Variants in NRG1 observed in about 807,000 individuals in gnomAD.
NRG1 encodes the protein neuregulin 1, also known as pro-neuregulin-1, membrane-bound isoform.
A neutral mutation model predicts 63.8 loss-of-function variants in NRG1; 18 were observed. The ratio of observed to expected loss-of-function variants is 0.28; its 90% confidence interval spans 0.19 to 0.42. The LOEUF (loss-of-function observed/expected upper bound fraction) is 0.42. Among genes scored for constraint, NRG1 ranks in the 10% least tolerant of loss-of-function variants. The probability of loss-of-function intolerance (pLI) is 1.00; values close to 1 mark genes in which losing one functional copy is unlikely to be tolerated. For missense variants in NRG1, 762 were observed against 814.7 expected (o/e 0.94, Z 0.79); for synonymous variants, 302 against 301.3 (o/e 1.00, Z -0.02).
intron 7 of NRG1, among the ~76,000 whole-genome samples, chr8:32,750,571 C>T (rs968742677): frequency 3.9e-5 from 6 of 152,130 alleles, no homozygotes; most frequent in Non-Finnish European, 8.8e-5. Flanking sequence ...GCAGCAGGGG[C>T]ATCCTACAGC....
chr8:32,669,330 A>G (rs1425224708), intron 5 of NRG1, among the ~76,000 whole-genome samples: 2 of 152,198 alleles, frequency 1.3e-5, no homozygotes, highest in Admixed American at 6.5e-5. Flanking sequence ...ATCTTTGGCA[A>G]ACATTTAGGG....
At chr8:31,886,027 A>T (rs768754791) in intron 1 of NRG1, among the ~76,000 whole-genome samples, 12 of 152,100 alleles carry the variant, frequency 7.9e-5, no homozygotes, top group Non-Finnish European at 1.6e-4. Context: ...AGTAAATATG[A>T]TTTTTTCTCA....
At chr8:32,663,755 G>A (rs956261716) in intron 5 of NRG1, among the ~76,000 whole-genome samples, 13 of 152,056 alleles carry the variant, frequency 8.5e-5, no homozygotes, top group African/African-American at 3.1e-4. Flanking sequence ...CTCTAGACAG[G>A]GTGAAGGCTC....
chr8:32,587,015 C>T (rs1563712212), intron 1 of NRG1, among the ~76,000 whole-genome samples: 1 of 152,034 alleles, frequency 6.6e-6, no homozygotes, highest in Non-Finnish European at 1.5e-5. Context: ...TGTTTGAGAC[C>T]AGCCTGGGCA....
intron 1 of NRG1, among the ~76,000 whole-genome samples, chr8:32,428,342 C>CTTTTTTTTTTTTTTTTTTT (rs11415830): frequency 6.8e-6 from 1 of 146,972 alleles, no homozygotes; most frequent in Non-Finnish European, 1.5e-5. Flanking sequence ...TGAGTGAATT[C>CTTTTTTTTTTTTTTTTTTT]TTTTTTTTTT....
intron 1 of NRG1, among the ~76,000 whole-genome samples, chr8:32,011,911 G>A (rs1814823684): frequency 6.6e-6 from 1 of 152,108 alleles, no homozygotes; most frequent in Non-Finnish European, 1.5e-5. Flanking sequence ...GACAGTCAGT[G>A]GCAGCTAGAA....
At chr8:31,684,698 A>T (rs1373422091) in intron 1 of NRG1, among the ~76,000 whole-genome samples, 1 of 152,132 alleles carries the variant, frequency 6.6e-6, no homozygotes, top group Admixed American at 6.6e-5. Flanking sequence ...CGTGTGATGT[A>T]TATATTACTG....
At chr8:31,979,367 A>G (rs146755807) in intron 1 of NRG1, among the ~76,000 whole-genome samples, 2 of 152,200 alleles carry the variant, frequency 1.3e-5, no homozygotes, top group East Asian at 3.9e-4. Context: ...TTTCTTCCCC[A>G]AATATGCATT....
intron 1 of NRG1, among the ~76,000 whole-genome samples, chr8:32,463,918 G>T (rs12542900): frequency 0.97 from 66,319 of 68,674 alleles, 31,988 homozygotes; most frequent in Middle Eastern, 0.99. Context: ...TTTTTTGGGG[G>T]AGGGTCTCAT....
chr8:32,059,437 A>G (rs1047563966), intron 1 of NRG1, among the ~76,000 whole-genome samples: 1 of 151,926 alleles, frequency 6.6e-6, no homozygotes, highest in Admixed American at 6.6e-5. Flanking sequence ...GTAGCTTCCT[A>G]TTTTTTGAAT....
chr8:32,257,540 A>G (rs1256743900), intron 1 of NRG1, among the ~76,000 whole-genome samples: 1 of 151,306 alleles, frequency 6.6e-6, no homozygotes, highest in Non-Finnish European at 1.5e-5. Flanking sequence ...TCTTCTTTAC[A>G]TATAGTGTTA....
rs1826609547 is a variant in NRG1 at position 32,742,597 on chromosome 8, G to A, written c.633-78G>A. On this transcript the variant is annotated intron_variant, in intron 6 of 11. Coordinates refer to ENST00000356819, the Ensembl canonical transcript of NRG1. The surrounding 1 kb of genome is among the most constrained non-coding windows in gnomAD (Gnocchi z 4.2). ...AAGTTTCAGTCAAATGACACTGAAGGAGCTTCTTTCTAGCATATATTCACC... is the reference window on the plus strand; with the variant it reads ...AAGTTTCAGTCAAATGACACTGAAGAAGCTTCTTTCTAGCATATATTCACC... 27 of 1,331,334 alleles carry A rather than the reference G, an allele frequency of 2.0e-5. No homozygotes were observed. The South Asian group carries it at 3.0e-4, about 15-fold the overall frequency. 82.5% of individuals were successfully genotyped at this position (1,331,334 alleles called of 1,614,324 possible). A position where few individuals can be genotyped will look rare whatever the true frequency, so the allele number is the denominator to read the frequency against.
intron 3 of NRG1, among the ~76,000 whole-genome samples, chr8:32,606,619 C>A (rs1169508563): frequency 1.3e-5 from 2 of 152,034 alleles, no homozygotes; most frequent in East Asian, 3.8e-4. Context: ...TTCTTTAAAC[C>A]TTTTAGAATA....
chr8:32,502,301 CATG>C, intron 1 of NRG1, among the ~76,000 whole-genome samples: 1 of 150,870 alleles, frequency 6.6e-6, no homozygotes, highest in Non-Finnish European at 1.5e-5. Context: ...CGGTCACTAT[CATG>C]AGTACAGTAC....
intron 6 of NRG1, among the ~76,000 whole-genome samples, chr8:32,736,335 G>A (rs1047733023): frequency 2.6e-5 from 4 of 152,186 alleles, no homozygotes; most frequent in Non-Finnish European, 5.9e-5. Context: ...CCAGTGAGTG[G>A]GCGAGTTCTG....
chr8:31,710,372 A>G (rs1397888389), intron 1 of NRG1, among the ~76,000 whole-genome samples: 1 of 151,966 alleles, frequency 6.6e-6, no homozygotes, highest in Admixed American at 6.6e-5. Flanking sequence ...GTTGAAAAGA[A>G]GATAGGTCTT....
intron 1 of NRG1, among the ~76,000 whole-genome samples, chr8:31,889,127 T>C (rs1830948707): frequency 6.6e-6 from 1 of 152,166 alleles, no homozygotes; most frequent in Non-Finnish European, 1.5e-5. Context: ...AAAGATTCAG[T>C]AAGTGATTTA....
chr8:32,561,859 G>T (rs1023991607), intron 1 of NRG1, among the ~76,000 whole-genome samples: 2 of 151,652 alleles, frequency 1.3e-5, no homozygotes, highest in Admixed American at 1.3e-4. Flanking sequence ...TTTGGGGGGT[G>T]GGGGGTGGAG....
chr8:32,197,213 C>T (rs377604993), intron 1 of NRG1, among the ~76,000 whole-genome samples: 36 of 151,998 alleles, frequency 2.4e-4, no homozygotes, highest in African/African-American at 4.6e-4. Context: ...CTGCCCGCCT[C>T]GGCCTCCCAA....
Sources: allele counts gnomAD v4.1 joint callset (sites outside exome capture counted in the v4.1 genomes callset), GRCh38; gene constraint gnomAD v4.1.1; non-coding constraint Gnocchi (gnomAD v3.1); transcripts MANE v1.5; gene names NCBI Gene and HGNC (gene_info 2026-07-23, HGNC 2026-07-21).